CLDN9: variants seen among roughly 807,000 people sequenced by gnomAD.
CLDN9 encodes the protein claudin 9.
A neutral mutation model predicts 10.1 loss-of-function variants in CLDN9; 14 were observed. That is an observed-to-expected ratio of 1.38 (90% CI 0.91 to 2.16). CLDN9 has a LOEUF of 2.16. Ranked by LOEUF, CLDN9 falls within the 30% of genes most tolerant of loss-of-function variation. The pLI is 0.00. For synonymous variants in CLDN9, 162 were observed against 143.1 expected, an observed-to-expected ratio of 1.13 and a Z score of -0.95; for missense variants, 332 against 294.8, an observed-to-expected ratio of 1.13 and a Z score of -0.93.
Position 3,013,115 on chromosome 16 carries a change from A to G in CLDN9, c.-248A>G, listed in dbSNP as rs1015778177. 38 of 541,558 alleles carry G rather than the reference A, an allele frequency of 7.0e-5. No individual in the cohort carries two copies. In the Admixed American group the frequency reaches 1.2e-3, roughly 17 times the overall value. The allele number at this position is 541,558 out of a possible 1,614,324, so 33.5% of individuals were successfully genotyped here. A position where few individuals can be genotyped will look rare whatever the true frequency, so the allele number is the denominator to read the frequency against. Reference sequence around the variant, plus strand: ...GCGGAGGCCCCTCGAGGTGACACCCACCACTCAGCCGAGCGGGACTACGAG... The same window carrying G: ...GCGGAGGCCCCTCGAGGTGACACCCGCCACTCAGCCGAGCGGGACTACGAG... On this transcript the variant is annotated 5_prime_UTR_variant, in exon 1 of 1. Coordinates refer to ENST00000445369, the MANE Select transcript of CLDN9 (RefSeq NM_020982.4). The surrounding 1 kb of genome is among the most constrained non-coding windows in gnomAD (Gnocchi z 6.4).
Position 3,014,116 on chromosome 16 carries a change from C to T in CLDN9, c.*100C>T. ...CCTGCTCCATCACAACCTCCTTCCC[C>T]AGGAAAACCCACTTTCCAAAAGCCC... On this transcript the variant is annotated 3_prime_UTR_variant, in exon 1 of 1. Coordinates refer to ENST00000445369, the MANE Select transcript of CLDN9 (RefSeq NM_020982.4). 1 of 1,322,908 alleles carries T rather than the reference C, an allele frequency of 7.6e-7. No homozygotes were observed. Among genetic ancestry groups the T allele is most frequent in the Non-Finnish European group, 1.0e-6 (1 of 977,558 alleles). The allele number at this position is 1,322,908 out of a possible 1,614,324, so 81.9% of individuals were successfully genotyped here. A position where few individuals can be genotyped will look rare whatever the true frequency, so the allele number is the denominator to read the frequency against.
Position 3,013,836 on chromosome 16 carries a change from G to A in CLDN9, c.474G>A (p.Arg158=), listed in dbSNP as rs777452402. 5.0e-6 allele frequency: 8 copies of A among 1,612,592 alleles called. No individual in the cohort carries two copies. The South Asian group carries it at 8.8e-5, about 18-fold the overall frequency. The change falls in exon 1 of 1, where the codon CGG becomes CGA. Residue 158 remains arginine (R), a synonymous_variant. Coordinates refer to ENST00000445369, the MANE Select transcript of CLDN9 (RefSeq NM_020982.4). This position sits in a 1 kb window ranked among gnomAD's most constrained non-coding sequence, Gnocchi z 6.4. The part of the protein sequence containing the change: ...YNPLVAEALK[R]ELGASLYLGW... ...CCCTGGTGGCTGAGGCCCTCAAGCG[G>A]GAGCTGGGGGCCTCCCTCTACCTGG...
rs371180602 is a variant in CLDN9 at position 3,013,872 on chromosome 16, G to A, written c.510G>A (p.Ala170=). The change falls in exon 1 of 1, where the codon GCG becomes GCA. Residue 170 remains alanine, a synonymous_variant. Transcript: ENST00000445369. This position sits in a 1 kb window ranked among gnomAD's most constrained non-coding sequence, Gnocchi z 6.4. ...LGASLYLGWA[A]AALLMLGGGL... is the part of the protein sequence containing the mutation. ...CCTCCCTCTACCTGGGCTGGGCGGC[G>A]GCTGCACTGCTTATGCTGGGCGGGG... The A allele has an allele frequency of 3.8e-5, 61 of 1,611,812 alleles. No homozygotes were observed. The highest frequency in any genetic ancestry group is 9.3e-5 in the African/African-American group (7 of 74,870).
Position 3,013,615 on chromosome 16 carries a change from G to A in CLDN9, c.253G>A (p.Val85Ile). 2.5e-6 allele frequency: 4 copies of A among 1,614,020 alleles called. No individual in the cohort carries two copies. The highest frequency in any genetic ancestry group is 3.4e-6 in the Non-Finnish European group (4 of 1,179,986). The part of the protein sequence containing the change: ...QDLQAARALC[V>I]IALLLALLGL... ...CCTGCAGGCCGCACGTGCCCTCTGT[G>A]TCATTGCCCTCCTGCTGGCCCTGCT... Residue 85 changes from valine to isoleucine, a missense_variant, in exon 1 of 1, where the codon GTC (valine) becomes ATC (isoleucine). By Grantham distance (29) the Val-to-Ile change is conservative. Coordinates refer to ENST00000445369, the MANE Select transcript of CLDN9 (RefSeq NM_020982.4). The surrounding 1 kb of genome is among the most constrained non-coding windows in gnomAD (Gnocchi z 6.4).
chr16:3,014,092 C>T lies in CLDN9; in HGVS notation c.*76C>T. On this transcript the variant is annotated 3_prime_UTR_variant, in exon 1 of 1. Transcript: ENST00000445369. ...GACCTTGGCCTGATGACCAGATGCCCTGCTCCATCACAACCTCCTTCCCCA... is the reference window on the plus strand; with the variant it reads ...GACCTTGGCCTGATGACCAGATGCCTTGCTCCATCACAACCTCCTTCCCCA... 7.0e-7 allele frequency: 1 copy of T among 1,430,902 alleles called. No individual in the cohort carries two copies. Among genetic ancestry groups the T allele is most frequent in the Admixed American group, 2.4e-5 (1 of 41,886 alleles). 88.6% of individuals were successfully genotyped at this position (1,430,902 alleles called of 1,614,324 possible). A position where few individuals can be genotyped will look rare whatever the true frequency, so the allele number is the denominator to read the frequency against.
Position 3,014,287 on chromosome 16 carries a change from T to C in CLDN9, c.*271T>C, listed in dbSNP as rs2072550419. 7.7e-6 allele frequency: 3 copies of C among 388,496 alleles called. No individual in the cohort carries two copies. The highest frequency in any genetic ancestry group is 1.4e-5 in the Non-Finnish European group (3 of 209,076). 24.1% of individuals were successfully genotyped at this position (388,496 alleles called of 1,614,324 possible). ...CCCACCTCCCCAGTAATTGTTTCCT[T>C]CCGTTGCCCAGGACACTGGCTGGCC... On this transcript the variant is annotated 3_prime_UTR_variant, in exon 1 of 1. Transcript: ENST00000445369.
Position 3,013,101 on chromosome 16 carries a change from T to A in CLDN9, c.-262T>A. 5.9e-6 allele frequency: 3 copies of A among 509,636 alleles called. No individual in the cohort carries two copies. The South Asian group carries it at 7.5e-5, about 13-fold the overall frequency. The allele number at this position is 509,636 out of a possible 1,614,324, so 31.6% of individuals were successfully genotyped here. On this transcript the variant is annotated 5_prime_UTR_variant, in exon 1 of 1. Coordinates refer to ENST00000445369, the MANE Select transcript of CLDN9 (RefSeq NM_020982.4). This position sits in a 1 kb window ranked among gnomAD's most constrained non-coding sequence, Gnocchi z 6.4. ...AGGGCATCCGATGGGCGGAGGCCCCTCGAGGTGACACCCACCACTCAGCCG... is the reference window on the plus strand; with the variant it reads ...AGGGCATCCGATGGGCGGAGGCCCCACGAGGTGACACCCACCACTCAGCCG...
At position 3,013,713 on chromosome 16, in the gene CLDN9, C is replaced by A; in HGVS notation, c.351C>A (p.Ile117=). 2 of 1,613,638 alleles carry A rather than the reference C, an allele frequency of 1.2e-6. No homozygotes were observed. The part of the protein sequence containing the change: ...CVEDEGAKAR[I]VLTAGVILLL... The stretch of plus-strand genomic sequence containing the variant: ...AGGACGAAGGTGCCAAGGCCCGTAT[C>A]GTGCTCACCGCGGGGGTCATCCTCC... Residue 117 remains isoleucine (I), a synonymous_variant, in exon 1 of 1, where the codon ATC becomes ATA. Transcript: ENST00000445369. This position sits in a 1 kb window ranked among gnomAD's most constrained non-coding sequence, Gnocchi z 6.4.
In CLDN9 at chr16:3,013,952, G is replaced by C. The variant is rs748433830; in HGVS notation, c.590G>C (p.Arg197Pro). 6.4e-7 allele frequency: 1 copy of C among 1,563,076 alleles called. No homozygotes were observed. Among genetic ancestry groups the C allele is most frequent in the Non-Finnish European group, 8.6e-7 (1 of 1,158,484 alleles). Residue 197 changes from arginine (R) to proline (P), a missense_variant, in exon 1 of 1, where the codon CGG (arginine) becomes CCG (proline). Physicochemically the swap from Arg to Pro is moderately radical, Grantham distance 103. Coordinates refer to ENST00000445369, the MANE Select transcript of CLDN9 (RefSeq NM_020982.4). The surrounding 1 kb of genome is among the most constrained non-coding windows in gnomAD (Gnocchi z 6.4). ...PPQVERPRGP[R>P]LGYSIPSRSG... is the part of the protein sequence containing the mutation. Reference sequence around the variant, plus strand: ...CAGGTCGAGCGGCCCCGCGGACCTCGGCTGGGCTACTCCATCCCCTCCCGC... The same window carrying C: ...CAGGTCGAGCGGCCCCGCGGACCTCCGCTGGGCTACTCCATCCCCTCCCGC...
At position 3,013,340 on chromosome 16, in the gene CLDN9, AG is replaced by A; in HGVS notation, c.-22del. ...GAGTCACCTAGGCCGCCTGGGGCTGAGAAGACCTAACCGAGGGGCCAGATGG... is the reference window on the plus strand; with the variant it reads ...GAGTCACCTAGGCCGCCTGGGGCTGAAAGACCTAACCGAGGGGCCAGATGG... On this transcript the variant is annotated 5_prime_UTR_variant, in exon 1 of 1. Coordinates refer to ENST00000445369, the MANE Select transcript of CLDN9 (RefSeq NM_020982.4). This position sits in a 1 kb window ranked among gnomAD's most constrained non-coding sequence, Gnocchi z 6.4. The A allele has an allele frequency of 6.3e-7, 1 of 1,595,664 alleles. No individual in the cohort carries two copies. Among genetic ancestry groups the A allele is most frequent in the Non-Finnish European group, 8.5e-7 (1 of 1,172,620 alleles).
In CLDN9 at chr16:3,013,353, G is replaced by A. The variant is rs779933456; in HGVS notation, c.-10G>A. ...CGCCTGGGGCTGAGAAGACCTAACC[G>A]AGGGGCCAGATGGCTTCGACCGGCT... On this transcript the variant is annotated 5_prime_UTR_variant, in exon 1 of 1. Transcript: ENST00000445369. This position sits in a 1 kb window ranked among gnomAD's most constrained non-coding sequence, Gnocchi z 6.4. 1.1e-5 allele frequency: 18 copies of A among 1,603,930 alleles called. No homozygotes were observed. In the Admixed American group the frequency reaches 1.2e-4, roughly 10 times the overall value.
In CLDN9 at chr16:3,013,249, A is replaced by G. The variant is rs1462953096; in HGVS notation, c.-114A>G. ...CTGAGGACTGGCCTGGCTTGGGGACACCAACAAGCCTTCCCCCTCCTGCTG... is the reference window on the plus strand; with the variant it reads ...CTGAGGACTGGCCTGGCTTGGGGACGCCAACAAGCCTTCCCCCTCCTGCTG... On this transcript the variant is annotated 5_prime_UTR_variant, in exon 1 of 1. Coordinates refer to ENST00000445369, the MANE Select transcript of CLDN9 (RefSeq NM_020982.4). The surrounding 1 kb of genome is among the most constrained non-coding windows in gnomAD (Gnocchi z 6.4). 5.5e-6 allele frequency: 7 copies of G among 1,266,492 alleles called. 1 individual carries two copies. Among genetic ancestry groups the G allele is most frequent in the Admixed American group, 5.1e-5 (2 of 39,324 alleles). The allele number at this position is 1,266,492 out of a possible 1,614,324, so 78.5% of individuals were successfully genotyped here. A position where few individuals can be genotyped will look rare whatever the true frequency, so the allele number is the denominator to read the frequency against.
Position 3,013,289 on chromosome 16 carries a change from C to T in CLDN9, c.-74C>T. The stretch of plus-strand genomic sequence containing the variant: ...CCCTCCTGCTGGACACAGAGACACC[C>T]ACCCAGCACACCAGACACACCCTCT... On this transcript the variant is annotated 5_prime_UTR_variant, in exon 1 of 1. Transcript: ENST00000445369. The surrounding 1 kb of genome is among the most constrained non-coding windows in gnomAD (Gnocchi z 6.4). The T allele has an allele frequency of 1.3e-6, 2 of 1,484,228 alleles. No homozygotes were observed. Among genetic ancestry groups the T allele is most frequent in the Non-Finnish European group, 1.8e-6 (2 of 1,108,186 alleles). The allele number at this position is 1,484,228 out of a possible 1,614,324, so 91.9% of individuals were successfully genotyped here. A position where few individuals can be genotyped will look rare whatever the true frequency, so the allele number is the denominator to read the frequency against.
In CLDN9 at chr16:3,013,524, C is replaced by A; in HGVS notation, c.162C>A (p.Cys54Ter). 1.3e-5 allele frequency: 21 copies of A among 1,613,948 alleles called. No individual in the cohort carries two copies. Among genetic ancestry groups the A allele is most frequent in the Non-Finnish European group, 1.8e-5 (21 of 1,180,010 alleles). ...QVVWEGLWMS[C>*]VVQSTGQMQC... ...TGTGGGAGGGCCTGTGGATGTCCTGCGTGGTGCAGAGCACGGGCCAGATGC... is the reference window on the plus strand; with the variant it reads ...TGTGGGAGGGCCTGTGGATGTCCTGAGTGGTGCAGAGCACGGGCCAGATGC... Residue 54 changes from cysteine to a stop codon, truncating the protein, a stop_gained, in exon 1 of 1, where the codon TGC (cysteine) becomes TGA (stop). Transcript: ENST00000445369. LOFTEE classifies it high-confidence loss of function. The surrounding 1 kb of genome is among the most constrained non-coding windows in gnomAD (Gnocchi z 6.4).
Position 3,013,506 on chromosome 16 carries a change from G to C in CLDN9, c.144G>C (p.Glu48Asp), listed in dbSNP as rs138697130. Reference sequence around the variant, plus strand: ...TCGTGGTGGCCCAGGTGGTGTGGGAGGGCCTGTGGATGTCCTGCGTGGTGC... The same window carrying C: ...TCGTGGTGGCCCAGGTGGTGTGGGACGGCCTGTGGATGTCCTGCGTGGTGC... ...NSIVVAQVVW[E>D]GLWMSCVVQS... is the part of the protein sequence containing the mutation. Residue 48 changes from glutamate (E) to aspartate (D), a missense_variant, in exon 1 of 1, where the codon GAG becomes GAC. Coordinates refer to ENST00000445369, the MANE Select transcript of CLDN9 (RefSeq NM_020982.4). The surrounding 1 kb of genome is among the most constrained non-coding windows in gnomAD (Gnocchi z 6.4). 9 of 1,613,902 alleles carry C rather than the reference G, an allele frequency of 5.6e-6. No homozygotes were observed. In the African/African-American group the frequency reaches 8.0e-5, roughly 14 times the overall value.
chr16:3,014,141 C>A lies in CLDN9; in HGVS notation c.*125C>A. The stretch of plus-strand genomic sequence containing the variant: ...CAGGAAAACCCACTTTCCAAAAGCC[C>A]AAGCTACACCTGGCTGCAGGGCTGG... On this transcript the variant is annotated 3_prime_UTR_variant, in exon 1 of 1. Transcript: ENST00000445369. 1 of 1,095,244 alleles carries A rather than the reference C, an allele frequency of 9.1e-7. No homozygotes were observed. Among genetic ancestry groups the A allele is most frequent in the Non-Finnish European group, 1.3e-6 (1 of 781,632 alleles). 67.8% of individuals were successfully genotyped at this position (1,095,244 alleles called of 1,614,324 possible).
In CLDN9 at chr16:3,013,670, A is replaced by G; in HGVS notation, c.308A>G (p.Gln103Arg). Reference sequence around the variant, plus strand: ...CTCCTGGTGGCCATCACAGGTGCCCAGTGTACCACGTGTGTGGAGGACGAA... The same window carrying G: ...CTCCTGGTGGCCATCACAGGTGCCCGGTGTACCACGTGTGTGGAGGACGAA... ...LGLLVAITGA[Q>R]CTTCVEDEGA... Residue 103 changes from glutamine (Q) to arginine (R), a missense_variant, in exon 1 of 1, where the codon CAG becomes CGG. Gln to Arg is a conservative substitution (Grantham distance 43, BLOSUM62 1). Transcript: ENST00000445369. This position sits in a 1 kb window ranked among gnomAD's most constrained non-coding sequence, Gnocchi z 6.4. 1 of 1,613,898 alleles carries G rather than the reference A, an allele frequency of 6.2e-7. No homozygotes were observed.
Position 3,013,655 on chromosome 16 carries a change from C to G in CLDN9, c.293C>G (p.Ala98Gly). The G allele has an allele frequency of 6.2e-7, 1 of 1,613,956 alleles. No individual in the cohort carries two copies. Among genetic ancestry groups the G allele is most frequent in the Non-Finnish European group, 8.5e-7 (1 of 1,179,996 alleles). ...LLLALLGLLV[A>G]ITGAQCTTCV... ...CTGGCCCTGCTTGGCCTCCTGGTGG[C>G]CATCACAGGTGCCCAGTGTACCACG... The change falls in exon 1 of 1, where the codon GCC (alanine) becomes GGC (glycine). Residue 98 changes from alanine to glycine, a missense_variant. Transcript: ENST00000445369. The surrounding 1 kb of genome is among the most constrained non-coding windows in gnomAD (Gnocchi z 6.4).
chr16:3,014,261 C>T lies in CLDN9; in HGVS notation c.*245C>T, dbSNP rs1037034876. ...AGAGGTGTTGGGAACCCTGGCCTGC[C>T]CCCACCTCCCCAGTAATTGTTTCCT... On this transcript the variant is annotated 3_prime_UTR_variant, in exon 1 of 1. Transcript: ENST00000445369. 6 of 435,162 alleles carry T rather than the reference C, an allele frequency of 1.4e-5. No individual in the cohort carries two copies. The highest frequency in any genetic ancestry group is 1.1e-4 in the East Asian group (3 of 28,048). The allele number at this position is 435,162 out of a possible 1,614,324, so 27.0% of individuals were successfully genotyped here.
Sources: allele counts gnomAD v4.1 joint callset, GRCh38; gene constraint gnomAD v4.1.1; non-coding constraint Gnocchi (gnomAD v3.1); transcripts MANE v1.5; gene names NCBI Gene and HGNC (gene_info 2026-07-23, HGNC 2026-07-21).